The following MLLT6 variants were observed in gnomAD, a reference collection of about 807,000 sequenced individuals.
MLLT6 encodes protein AF-17.
In MLLT6, 22 loss-of-function variants were observed where a neutral mutation model predicts 103.0. The ratio of observed to expected loss-of-function variants is 0.21; its 90% CI spans 0.15 to 0.31. The LOEUF (loss-of-function observed/expected upper bound fraction) is 0.31. Ranked by LOEUF, MLLT6 falls within the 10% of genes least tolerant of loss-of-function variation. The pLI is 1.00. For synonymous variants in MLLT6, 606 were observed against 623.5 expected (o/e 0.97, Z 0.42); for missense variants, 1,199 against 1,441.7 (o/e 0.83, Z 2.73).
chr17:38,715,535 T>C, intron 8 of MLLT6, 77 bp from the exon 9 acceptor site: 1 of 1,497,622 alleles, frequency 6.7e-7, no homozygotes, highest in Non-Finnish European at 8.9e-7. Context: ...TCCTGTGCCC[T>C]CCTGCTTCAC....
Position 38,719,509 on chromosome 17 carries a change from C to T in MLLT6, c.1943-8C>T. On this transcript the variant is annotated splice_polypyrimidine_tract_variant and splice_region_variant and intron_variant, in intron 12 of 19. Coordinates refer to ENST00000621332, the MANE Select transcript of MLLT6 (RefSeq NM_005937.4). Reference sequence around the variant, plus strand: ...TCCACGCTGATCCCAGCCTTCCCTTCTTCCAAGAGCCAGACCTGGAGGACT... The same window carrying T: ...TCCACGCTGATCCCAGCCTTCCCTTTTTCCAAGAGCCAGACCTGGAGGACT... 1.2e-6 allele frequency: 2 copies of T among 1,606,898 alleles called. No individual in the cohort carries two copies. The highest frequency in any genetic ancestry group is 1.7e-6 in the Non-Finnish European group (2 of 1,177,166).
At chr17:38,715,264 C>T (rs538894010) in intron 8 of MLLT6, 9 of 213,848 alleles carry the variant, frequency 4.2e-5, no homozygotes, top group East Asian at 9.8e-5. Flanking sequence ...CCTTCTTAGA[C>T]GCCCTAAGTA....
rs1324449192 is a variant in MLLT6, at chr17:38,709,474, C to T, written c.459-8C>T. On this transcript the variant is annotated splice_polypyrimidine_tract_variant and splice_region_variant and intron_variant, in intron 5 of 19. Transcript: ENST00000621332. The surrounding 1 kb of genome is among the most constrained non-coding windows in gnomAD (Gnocchi z 4.3). ...CCTCAGCCGTCTCAGGCTGCCTTCTCTGGTTAGTGCCCAAATGGCAGGCTT... is the reference window on the plus strand; with the variant it reads ...CCTCAGCCGTCTCAGGCTGCCTTCTTTGGTTAGTGCCCAAATGGCAGGCTT... 11 of 1,613,298 alleles carry T rather than the reference C, an allele frequency of 6.8e-6. No individual in the cohort carries two copies. Among genetic ancestry groups the T allele is most frequent in the Admixed American group, 1.7e-5 (1 of 60,036 alleles).
intron 14 of MLLT6, 107 bp from the exon 15 acceptor site, chr17:38,720,265 G>C (rs1905638536): frequency 1.8e-6 from 2 of 1,128,372 alleles, no homozygotes; most frequent in Non-Finnish European, 2.5e-6. Flanking sequence ...GGATGGCGCC[G>C]CCTTTTCAAG....
At position 38,720,741 on chromosome 17, in the gene MLLT6, T is replaced by C. The variant is rs1197693379; in HGVS notation, c.2436T>C (p.Ser812=). 1 of 1,613,348 alleles carries C rather than the reference T, an allele frequency of 6.2e-7. No individual in the cohort carries two copies. Among genetic ancestry groups the C allele is most frequent in the African/African-American group, 1.3e-5 (1 of 74,916 alleles). ...SLGLDNSLST[S]SEDPHSGCPS... is the part of the protein sequence containing the mutation. ...GCCTGGACAACTCGCTGTCCACTTC[T>C]TCTGAGGTGGGCGCTACGAGGAGTG... The change falls in exon 16 of 20, where the codon TCT becomes TCC. Residue 812 remains serine (S), a synonymous_variant. Coordinates refer to ENST00000621332, the MANE Select transcript of MLLT6 (RefSeq NM_005937.4).
rs185676071 is a variant in MLLT6 at position 38,724,085 on chromosome 17, C to T, written c.2884-535C>T. Among the ~76,000 whole-genome samples the T allele has an allele frequency of 1.1e-3, 160 of 151,976 alleles. No individual in the cohort carries two copies. Among genetic ancestry groups the T allele is most frequent in the African/African-American group, 3.7e-3 (152 of 41,458 alleles). ...CTAGTCAGTAGTTTTGGCGAAACCC[C>T]GTCTCTACTAAAAATACAAAAATTA... is the stretch of plus-strand genomic sequence containing the variant. On this transcript the variant is annotated intron_variant, in intron 18 of 19. Transcript: ENST00000621332. This position sits in a 1 kb window ranked among gnomAD's most constrained non-coding sequence, Gnocchi z 5.4.
rs774886280 is a variant in MLLT6, at chr17:38,719,877, G to A, written c.2137G>A (p.Gly713Arg). ...MEQLLEKQGD[G>R]EAGVNIVEML... is the part of the protein sequence containing the mutation. Reference sequence around the variant, plus strand: ...GCAGCTTCTGGAGAAGCAGGGCGACGGGGAGGCCGGCGTCAACAGTGAGGA... The same window carrying A: ...GCAGCTTCTGGAGAAGCAGGGCGACAGGGAGGCCGGCGTCAACAGTGAGGA... The change falls in exon 14 of 20, where the codon GGG (glycine) becomes AGG (arginine). Residue 713 changes from glycine to arginine, a missense_variant. By Grantham distance (125) the Gly-to-Arg change is moderately radical. This residue lies in a region of MLLT6 where 1,034 missense variants were observed against 1,091.5 expected (regional missense o/e 0.95). Coordinates refer to ENST00000621332, the MANE Select transcript of MLLT6 (RefSeq NM_005937.4). The A allele has an allele frequency of 1.9e-6, 3 of 1,590,396 alleles. No individual in the cohort carries two copies. The highest frequency in any genetic ancestry group is 1.1e-5 in the South Asian group (1 of 87,988).
chr17:38,722,270 G>A, intron 17 of MLLT6, 43 bp downstream of exon 17: 1 of 1,325,754 alleles, frequency 7.5e-7, no homozygotes, highest in Non-Finnish European at 9.7e-7. Flanking sequence ...AGGGTGGGGG[G>A]CTGGCTCTGG....
Position 38,725,728 on chromosome 17 carries a change from G to C in MLLT6, c.*130G>C, listed in dbSNP as rs954041164. The stretch of plus-strand genomic sequence containing the variant: ...GACCCAGAGCCTGTGCTGAGGTCCA[G>C]GGAGTGTGGAGAGCTCCTGGTGTCG... On this transcript the variant is annotated 3_prime_UTR_variant, in exon 20 of 20. Coordinates refer to ENST00000621332, the MANE Select transcript of MLLT6 (RefSeq NM_005937.4). The C allele has an allele frequency of 1.3e-6, 1 of 780,834 alleles. No homozygotes were observed. The highest frequency in any genetic ancestry group is 2.0e-6 in the Non-Finnish European group (1 of 496,704). The allele number at this position is 780,834 out of a possible 1,614,324, so 48.4% of individuals were successfully genotyped here.
In MLLT6 at chr17:38,719,674, C is replaced by T. The variant is rs771643623; in HGVS notation, c.2010-76C>T. On this transcript the variant is annotated intron_variant, in intron 13 of 19. Transcript: ENST00000621332. ...GAGAGACCGGCGTGGGCTGGAACCC[C>T]TGGGGGATACGGGAGAAGGGCCAGA... The T allele has an allele frequency of 1.9e-6, 3 of 1,573,148 alleles. No individual in the cohort carries two copies. The South Asian group carries it at 3.5e-5, about 18-fold the overall frequency.
chr17:38,713,379 G>A (rs1905211401), intron 8 of MLLT6: 1 of 331,952 alleles, frequency 3.0e-6, no homozygotes, highest in Non-Finnish European at 5.4e-6. Context: ...CTAGGCCAGG[G>A]AATTGCTAAT....
At chr17:38,711,780 C>T (rs1905148427) in intron 6 of MLLT6, 67 bp from the exon 7 acceptor site, 1 of 1,450,816 alleles carries the variant, frequency 6.9e-7, no homozygotes, top group African/African-American at 1.4e-5. Context: ...GATCCTCTAA[C>T]CTTCTGGAAG....
In MLLT6 at chr17:38,709,996, C is replaced by T. The variant is rs1905088983; in HGVS notation, c.552+421C>T. On this transcript the variant is annotated intron_variant, in intron 6 of 19. Transcript: ENST00000621332. The surrounding 1 kb of genome is among the most constrained non-coding windows in gnomAD (Gnocchi z 4.3). ...CTAAGAACTAGGTGTGCTATATTTTCCCCATTTTACAGATGAGTAAACTAA... is the reference window on the plus strand; with the variant it reads ...CTAAGAACTAGGTGTGCTATATTTTTCCCATTTTACAGATGAGTAAACTAA... 6.6e-6 allele frequency among the ~76,000 whole-genome samples: 1 copy of T among 152,190 alleles called. No individual in the cohort carries two copies. The highest frequency in any genetic ancestry group is 2.4e-5 in the African/African-American group (1 of 41,452).
Position 38,715,713 on chromosome 17 carries a change from C to G in MLLT6, c.921C>G (p.Ser307Arg). The G allele has an allele frequency of 6.2e-7, 1 of 1,614,148 alleles. No homozygotes were observed. Among genetic ancestry groups the G allele is most frequent in the South Asian group, 1.1e-5 (1 of 91,068 alleles). Residue 307 changes from serine (S) to arginine (R), a missense_variant, in exon 9 of 20, where the codon AGC becomes AGG. Physicochemically the swap from Ser to Arg is moderately radical, Grantham distance 110 (BLOSUM62 -1). Coordinates refer to ENST00000621332, the MANE Select transcript of MLLT6 (RefSeq NM_005937.4). The part of the protein sequence containing the change: ...ESKGKKSSSH[S>R]LSHKGKKLSS... ...AGGGGAAAAAGTCTTCCAGCCATAGCCTGAGTCATAAAGGGAAGAAACTGA... is the reference window on the plus strand; with the variant it reads ...AGGGGAAAAAGTCTTCCAGCCATAGGCTGAGTCATAAAGGGAAGAAACTGA...
At position 38,711,876 on chromosome 17, in the gene MLLT6, C is replaced by G; in HGVS notation, c.582C>G (p.Gly194=). 7 of 1,589,342 alleles carry G rather than the reference C, an allele frequency of 4.4e-6. No individual in the cohort carries two copies. The highest frequency in any genetic ancestry group is 1.3e-5 in the African/African-American group (1 of 74,232). Residue 194 remains glycine, a synonymous_variant, in exon 7 of 20, where the codon GGC becomes GGG. Coordinates refer to ENST00000621332, the MANE Select transcript of MLLT6 (RefSeq NM_005937.4). ...MKTSRHSSGG[G]GGGAGGGGGS... is the part of the protein sequence containing the mutation. ...CATCCCGGCACAGCAGCGGGGGAGGCGGAGGAGGCGCTGGAGGAGGAGGTG... is the reference window on the plus strand; with the variant it reads ...CATCCCGGCACAGCAGCGGGGGAGGGGGAGGAGGCGCTGGAGGAGGAGGTG...
intron 19 of MLLT6, 46 bp from the exon 20 acceptor site, chr17:38,725,511 G>A: frequency 6.3e-7 from 1 of 1,579,032 alleles, no homozygotes; most frequent in Non-Finnish European, 8.7e-7. Context: ...TGGGGGTTAG[G>A]ACCTGACACT....
At chr17:38,723,676 C>A (rs2078062095) in intron 18 of MLLT6, among the ~76,000 whole-genome samples, 1 of 147,700 alleles carries the variant, frequency 6.8e-6, no homozygotes, top group Admixed American at 6.7e-5. Flanking sequence ...TTTGCCTATT[C>A]AAAGCAAAAT....
chr17:38,721,915 C>G lies in MLLT6; in HGVS notation c.2480C>G (p.Ser827Trp). ...GGCTGCCCGAGCCGCAGCAGCTCGTCGCTGTCCTTCCACAGCACGCCCCCA... is the reference window on the plus strand; with the variant it reads ...GGCTGCCCGAGCCGCAGCAGCTCGTGGCTGTCCTTCCACAGCACGCCCCCA... ...HSGCPSRSSS[S>W]LSFHSTPPPL... Residue 827 changes from serine to tryptophan, a missense_variant, in exon 17 of 20, where the codon TCG (serine) becomes TGG (tryptophan). Around this residue, in one of 7 missense-constraint regions of MLLT6, gnomAD observed 1,034 missense variants for 1,091.5 expected, o/e 0.95. Coordinates refer to ENST00000621332, the MANE Select transcript of MLLT6 (RefSeq NM_005937.4). The G allele has an allele frequency of 6.4e-7, 1 of 1,573,966 alleles. No homozygotes were observed.
At position 38,705,704 on chromosome 17, in the gene MLLT6, C is replaced by T. The variant is rs775948793; in HGVS notation, c.72C>T (p.Tyr24=). The T allele has an allele frequency of 1.3e-6, 2 of 1,560,062 alleles. No individual in the cohort carries two copies. The highest frequency in any genetic ancestry group is 1.7e-6 in the Non-Finnish European group (2 of 1,151,296). The change falls in exon 1 of 20, where the codon TAC becomes TAT. Residue 24 remains tyrosine, a synonymous_variant. Transcript: ENST00000621332. The part of the protein sequence containing the change: ...ERGWAENPLV[Y]CDGHACSVAV... The stretch of plus-strand genomic sequence containing the variant: ...GCTGGGCCGAGAACCCGCTGGTCTA[C>T]TGCGATGGGCACGCGTGCAGCGTGG...
Sources: allele counts gnomAD v4.1 joint callset (sites outside exome capture counted in the v4.1 genomes callset), GRCh38; gene constraint gnomAD v4.1.1; regional missense constraint gnomAD v4.1.1; non-coding constraint Gnocchi (gnomAD v3.1); transcripts MANE v1.5; gene names NCBI Gene and HGNC (gene_info 2026-07-23, HGNC 2026-07-21).